The following SLC17A7 variants were observed in gnomAD, a reference collection of about 807,000 sequenced individuals.
The protein encoded by SLC17A7 is vesicular glutamate transporter 1.
Under a neutral mutation model 59.1 loss-of-function variants are expected in SLC17A7, and 15 were observed. The observed-to-expected ratio is 0.25, with a 90% CI of 0.17 to 0.39. SLC17A7 has a LOEUF of 0.39. SLC17A7 is among the 10% of genes least tolerant of loss of function. SLC17A7 has a pLI of 1.00. For missense variants in SLC17A7, 499 were observed against 765.1 expected, an observed-to-expected ratio of 0.65 and a Z score of 4.10; for synonymous variants, 353 against 308.9, an observed-to-expected ratio of 1.14 and a Z score of -1.50.
chr19:49,438,192 G>C (rs747343229), intron 1 of SLC17A7: 4 of 152,586 alleles, frequency 2.6e-5, no homozygotes, highest in Non-Finnish European at 4.4e-5. Context: ...GGGGGACAGA[G>C]ACCCAGAGAG....
At position 49,430,289 on chromosome 19, in the gene SLC17A7, G is replaced by C. The variant is rs2078953230; in HGVS notation, c.*230C>G. On this transcript the variant is annotated 3_prime_UTR_variant, in exon 12 of 12. Coordinates refer to ENST00000221485, the MANE Select transcript of SLC17A7 (RefSeq NM_020309.4). ...ACCACTGAGGCAGAACGGGTGGAGA[G>C]GGAACCTTTAGGGGAATTTGGGTAT... 2.2e-6 allele frequency: 1 copy of C among 451,512 alleles called. No individual in the cohort carries two copies. Among genetic ancestry groups the C allele is most frequent in the African/African-American group, 2.0e-5 (1 of 49,532 alleles). 28.0% of individuals were successfully genotyped at this position (451,512 alleles called of 1,614,324 possible).
At position 49,431,686 on chromosome 19, in the gene SLC17A7, G is replaced by T. The variant is rs1461103499; in HGVS notation, c.1151-238C>A. Among the ~76,000 whole-genome samples, 1 of 151,680 alleles carries T rather than the reference G, an allele frequency of 6.6e-6. No individual in the cohort carries two copies. Among genetic ancestry groups the T allele is most frequent in the Non-Finnish European group, 1.5e-5 (1 of 67,980 alleles). ...GCCCACCAGCTCCATCGCCCCTCCC[G>T]TAGCTCCACCCCTTGACTAGGCCAC... On this transcript the variant is annotated intron_variant, in intron 9 of 11. Coordinates refer to ENST00000221485, the MANE Select transcript of SLC17A7 (RefSeq NM_020309.4). The surrounding 1 kb of genome is among the most constrained non-coding windows in gnomAD (Gnocchi z 4.6).
chr19:49,430,714 C>G lies in SLC17A7; in HGVS notation c.1488G>C (p.Pro496=). 1 of 1,614,150 alleles carries G rather than the reference C, an allele frequency of 6.2e-7. No homozygotes were observed. The highest frequency in any genetic ancestry group is 1.1e-5 in the South Asian group (1 of 91,076). ...CGCTCATCTCCTCAGGCTCTGCCCA[C>G]GGCTGCTTCTCTCCAGAAGCAAAGA... ...YGVFASGEKQ[P]WAEPEEMSEE... is the part of the protein sequence containing the mutation. Residue 496 remains proline, a synonymous_variant, in exon 12 of 12, where the codon CCG becomes CCC. Transcript: ENST00000221485.
chr19:49,432,620 A>C lies in SLC17A7; in HGVS notation c.1049T>G (p.Val350Gly). The C allele has an allele frequency of 6.2e-7, 1 of 1,613,838 alleles. No homozygotes were observed. The highest frequency in any genetic ancestry group is 8.5e-7 in the Non-Finnish European group (1 of 1,179,926). ...VGLVSALPHLVMTIIVPIGGQ... is the reference protein window; with the variant it reads ...VGLVSALPHLGMTIIVPIGGQ... Reference sequence around the variant, plus strand: ...GCCGATGGGCACGATGATGGTCATGACCAGGTGGGGCAGCGCGGACACCAG... The same window carrying C: ...GCCGATGGGCACGATGATGGTCATGCCCAGGTGGGGCAGCGCGGACACCAG... The change falls in exon 9 of 12, where the codon GTC becomes GGC. Residue 350 changes from valine (V) to glycine (G), a missense_variant. Around this residue, in one of 3 missense-constraint regions of SLC17A7, gnomAD observed 323 missense variants for 607.2 expected, o/e 0.53. Transcript: ENST00000221485.
At position 49,433,546 on chromosome 19, in the gene SLC17A7, C is replaced by T; in HGVS notation, c.867+180G>A. ...TCAACTCCCGACCTAACCCTGCCCC[C>T]AGCACCTGAGAATCTCGTCCTCCGC... On this transcript the variant is annotated intron_variant, in intron 7 of 11. Coordinates refer to ENST00000221485, the MANE Select transcript of SLC17A7 (RefSeq NM_020309.4). The surrounding 1 kb of genome is among the most constrained non-coding windows in gnomAD (Gnocchi z 5.7). 1 of 824,372 alleles carries T rather than the reference C, an allele frequency of 1.2e-6. No homozygotes were observed. The highest frequency in any genetic ancestry group is 1.4e-5 in the South Asian group (1 of 69,190). The allele number at this position is 824,372 out of a possible 1,614,324, so 51.1% of individuals were successfully genotyped here.
At position 49,434,760 on chromosome 19, in the gene SLC17A7, G is replaced by A; in HGVS notation, c.549+8C>T. 3 of 1,614,134 alleles carry A rather than the reference G, an allele frequency of 1.9e-6. No homozygotes were observed. The highest frequency in any genetic ancestry group is 2.5e-6 in the Non-Finnish European group (3 of 1,179,980). On this transcript the variant is annotated splice_region_variant and intron_variant, in intron 4 of 11. Coordinates refer to ENST00000221485, the MANE Select transcript of SLC17A7 (RefSeq NM_020309.4). ...GCGAGGGCAGGGTCATATCAGGCGGGGATTTACCTCTACCAACCCCTGCAG... is the reference window on the plus strand; with the variant it reads ...GCGAGGGCAGGGTCATATCAGGCGGAGATTTACCTCTACCAACCCCTGCAG...
At chr19:49,439,817 T>C (rs887068933) in intron 1 of SLC17A7, among the ~76,000 whole-genome samples, 26 of 151,922 alleles carry the variant, frequency 1.7e-4, no homozygotes, top group African/African-American at 4.4e-4. Flanking sequence ...GCCAGAGAGA[T>C]TGACTGTGAG....
At position 49,432,601 on chromosome 19, in the gene SLC17A7, G is replaced by A. The variant is rs2078964959; in HGVS notation, c.1068C>T (p.Pro356=). ...GGAAGTCCGCGATCTGGCCGCCGAT[G>A]GGCACGATGATGGTCATGACCAGGT... ...LPHLVMTIIV[P]IGGQIADFLR... is the part of the protein sequence containing the mutation. Residue 356 remains proline, a synonymous_variant, in exon 9 of 12, where the codon CCC becomes CCT. Coordinates refer to ENST00000221485, the MANE Select transcript of SLC17A7 (RefSeq NM_020309.4). 6.2e-7 allele frequency: 1 copy of A among 1,613,726 alleles called. No individual in the cohort carries two copies. Among genetic ancestry groups the A allele is most frequent in the Admixed American group, 1.7e-5 (1 of 59,978 alleles).
rs367642123 is a variant in SLC17A7 at position 49,434,800 on chromosome 19, T to C, written c.517A>G (p.Ile173Val). 1 of 1,613,998 alleles carries C rather than the reference T, an allele frequency of 6.2e-7. No homozygotes were observed. The highest frequency in any genetic ancestry group is 1.3e-5 in the African/African-American group (1 of 74,910). Residue 173 changes from isoleucine (I) to valine (V), a missense_variant, in exon 4 of 12, where the codon ATC (isoleucine) becomes GTC (valine). Ile to Val is a conservative substitution (Grantham distance 29, BLOSUM62 3). Transcript: ENST00000221485. ...AACCCCTGCAGGATCCTCACGAAGA[T>C]GACACAGCCATAGTGGACGCGGGCA... ...SAARVHYGCV[I>V]FVRILQGLVE...
Position 49,434,619 on chromosome 19 carries a change from G to A in SLC17A7, c.620C>T (p.Ala207Val). The change falls in exon 5 of 12, where the codon GCG becomes GTG. Residue 207 changes from alanine to valine, a missense_variant. Ala to Val is a moderately conservative substitution (Grantham distance 64). Transcript: ENST00000221485. ...CCTCTCACCACAAAAGGCTGTCGTC[G>A]CCAGGCGACTCCGTTCTAAGGGTGG... Reference protein sequence around the residue: ...WAPPLERSRLATTAFCGSYAG... With the variant: ...WAPPLERSRLVTTAFCGSYAG... 1.2e-6 allele frequency: 2 copies of A among 1,601,908 alleles called. No homozygotes were observed. The highest frequency in any genetic ancestry group is 1.1e-5 in the South Asian group (1 of 89,232).
At chr19:49,434,458 C>T (rs2078972963) in intron 5 of SLC17A7, 144 bp downstream of exon 5, 1 of 767,956 alleles carries the variant, frequency 1.3e-6, no homozygotes, top group Non-Finnish European at 2.0e-6. Context: ...TCCCTCAGAC[C>T]TGGGAGTCCA....
chr19:49,431,551 C>A lies in SLC17A7; in HGVS notation c.1151-103G>T. On this transcript the variant is annotated intron_variant, in intron 9 of 11. Coordinates refer to ENST00000221485, the MANE Select transcript of SLC17A7 (RefSeq NM_020309.4). The surrounding 1 kb of genome is among the most constrained non-coding windows in gnomAD (Gnocchi z 4.6). The stretch of plus-strand genomic sequence containing the variant: ...GACCTGCTCCAGCCCCAAACCGCGT[C>A]TATCCACCCCAGTCTGGCCACCTCC... 1.1e-6 allele frequency: 1 copy of A among 926,540 alleles called. No homozygotes were observed. The highest frequency in any genetic ancestry group is 1.7e-6 in the Non-Finnish European group (1 of 604,090). 57.4% of individuals were successfully genotyped at this position (926,540 alleles called of 1,614,324 possible). A position where few individuals can be genotyped will look rare whatever the true frequency, so the allele number is the denominator to read the frequency against.
In SLC17A7 at chr19:49,435,218, A is replaced by T. The variant is rs2078975657; in HGVS notation, c.384T>A (p.Ile128=). 1 of 1,614,166 alleles carries T rather than the reference A, an allele frequency of 6.2e-7. No homozygotes were observed. Among genetic ancestry groups the T allele is most frequent in the Middle Eastern group, 1.6e-4 (1 of 6,062 alleles). The change falls in exon 3 of 12, where the codon ATT becomes ATA. Residue 128 remains isoleucine (I), a synonymous_variant. Coordinates refer to ENST00000221485, the MANE Select transcript of SLC17A7 (RefSeq NM_020309.4). ...TAAATCCTCCTGGAATCTGAGTGACAATGTAGCCCCAGAAAAAGGAGCCGT... is the reference window on the plus strand; with the variant it reads ...TAAATCCTCCTGGAATCTGAGTGACTATGTAGCCCCAGAAAAAGGAGCCGT... ...LIHGSFFWGY[I]VTQIPGGFIC...
In SLC17A7 at chr19:49,433,877, G is replaced by A. The variant is rs748145694; in HGVS notation, c.725-9C>T. On this transcript the variant is annotated splice_polypyrimidine_tract_variant and intron_variant, in intron 6 of 11. Coordinates refer to ENST00000221485, the MANE Select transcript of SLC17A7 (RefSeq NM_020309.4). This position sits in a 1 kb window ranked among gnomAD's most constrained non-coding sequence, Gnocchi z 5.7. ...GAAGATCCCGAAGCTGCCTGGGGGG[G>A]TCAGGAGGGGGATGGGAGCGAGGTG... 7.4e-6 allele frequency: 12 copies of A among 1,611,398 alleles called. No individual in the cohort carries two copies. The highest frequency in any genetic ancestry group is 1.0e-5 in the Non-Finnish European group (12 of 1,178,154).
chr19:49,436,298 C>T lies in SLC17A7; in HGVS notation c.315+251G>A. The T allele has an allele frequency of 1.8e-6, 1 of 561,942 alleles. No individual in the cohort carries two copies. The highest frequency in any genetic ancestry group is 3.1e-6 in the Non-Finnish European group (1 of 317,638). 34.8% of individuals were successfully genotyped at this position (561,942 alleles called of 1,614,324 possible). ...AGGGAACCTGATGTTGGGGCGGACT[C>T]TACATTTTTCAATCAAGCCCCTGGA... On this transcript the variant is annotated intron_variant, in intron 2 of 11. Transcript: ENST00000221485. The surrounding 1 kb of genome is among the most constrained non-coding windows in gnomAD (Gnocchi z 4.1).
Position 49,436,031 on chromosome 19 carries a change from C to T in SLC17A7, c.315+518G>A. On this transcript the variant is annotated intron_variant, in intron 2 of 11. Coordinates refer to ENST00000221485, the MANE Select transcript of SLC17A7 (RefSeq NM_020309.4). The surrounding 1 kb of genome is among the most constrained non-coding windows in gnomAD (Gnocchi z 4.1). ...CAGTGATGGTGCCACTGCACTCCAG[C>T]TTGGGCGACAGAGCAATGGCCCCAC... is the stretch of plus-strand genomic sequence containing the variant. The T allele has an allele frequency of 6.3e-6, 1 of 159,864 alleles. No individual in the cohort carries two copies. The highest frequency in any genetic ancestry group is 1.4e-5 in the Non-Finnish European group (1 of 72,032). The allele number at this position is 159,864 out of a possible 1,614,324, so 9.9% of individuals were successfully genotyped here. A position where few individuals can be genotyped will look rare whatever the true frequency, so the allele number is the denominator to read the frequency against.
intron 3 of SLC17A7, 73 bp from the exon 4 acceptor site, chr19:49,434,955 G>A (rs1363860662): frequency 8.9e-6 from 13 of 1,452,978 alleles, no homozygotes; most frequent in East Asian, 2.3e-5. Flanking sequence ...CCCGCCCACA[G>A]CAAGCTAGGC....
chr19:49,435,423 G>T (rs922000497), intron 2 of SLC17A7, 137 bp from the exon 3 acceptor site: 11 of 664,608 alleles, frequency 1.7e-5, no homozygotes, highest in Non-Finnish European at 2.7e-5. Flanking sequence ...GCCAATCAAA[G>T]CTCACACTAT....
At chr19:49,439,025 G>A (rs912901334) in intron 1 of SLC17A7, among the ~76,000 whole-genome samples, 10 of 152,032 alleles carry the variant, frequency 6.6e-5, no homozygotes, top group African/African-American at 2.4e-4. Context: ...TGCTTTGCAG[G>A]GGACAAGGAC....
Sources: gnomAD v4.1 joint callset for allele counts (sites outside exome capture counted in the v4.1 genomes callset) on GRCh38, gnomAD v4.1.1 for gene constraint, gnomAD v4.1.1 regional missense constraint, Gnocchi (gnomAD v3.1) non-coding constraint, MANE v1.5 for transcripts, NCBI Gene and HGNC (gene_info 2026-07-23, HGNC 2026-07-21) for gene names.